MARF1: variants seen among roughly 807,000 people sequenced by gnomAD.
MARF1 encodes limkain-b1.
In MARF1, 24 loss-of-function variants were observed where a neutral mutation model predicts 168.2. The ratio of observed to expected loss-of-function variants is 0.14; its 90% CI spans 0.10 to 0.20. The LOEUF is 0.20. MARF1 is among the 10% of genes least tolerant of loss of function. MARF1 has a pLI of 1.00. For missense variants in MARF1, 1,744 were observed against 2,143.6 expected (o/e 0.81, Z 3.68); for synonymous variants, 868 against 822.4 (o/e 1.06, Z -0.95).
At chr16:15,633,564 T>C (rs960584742) in intron 5 of MARF1, 53 bp downstream of exon 5, 7 of 1,309,060 alleles carry the variant, frequency 5.3e-6, no homozygotes, top group African/African-American at 4.5e-5. Flanking sequence ...AACAAACAAA[T>C]ATCTGCTTAT....
Position 15,611,749 on chromosome 16 carries a change from G to A in MARF1, c.3475-15C>T. ...ATTCCAAGAATCTGCAAAGCAAATA[G>A]TTTATTTATACACATAAGACCTCAG... On this transcript the variant is annotated splice_polypyrimidine_tract_variant and intron_variant, in intron 17 of 26. Transcript: ENST00000396368. The A allele has an allele frequency of 1.2e-6, 2 of 1,613,076 alleles. No individual in the cohort carries two copies. Among genetic ancestry groups the A allele is most frequent in the Non-Finnish European group, 1.7e-6 (2 of 1,179,358 alleles).
chr16:15,625,856 T>C (rs763860700), intron 7 of MARF1, 56 bp from the exon 8 acceptor site: 19 of 1,432,380 alleles, frequency 1.3e-5, no homozygotes, highest in Non-Finnish European at 1.7e-5. Flanking sequence ...CACATTCAAT[T>C]TCAAAATAAG....
Position 15,635,659 on chromosome 16 carries a change from G to A in MARF1, c.828C>T (p.Asn276=), listed in dbSNP as rs781043359. 1.2e-6 allele frequency: 2 copies of A among 1,613,252 alleles called. No homozygotes were observed. The highest frequency in any genetic ancestry group is 3.3e-5 in the Admixed American group (2 of 60,020). Residue 276 remains asparagine, a synonymous_variant, in exon 3 of 27, where the codon AAC becomes AAT. Coordinates refer to ENST00000396368, the MANE Select transcript of MARF1 (RefSeq NM_014647.4). ...TAAGAAATAAAAAGATACGAACCTT[G>A]TTTAGACAGTCTTCGCAGTAAAGTG... The part of the protein sequence containing the change: ...KGSLYCEDCL[N]KPARNSIIDA...
Position 15,600,356 on chromosome 16 carries a change from GCTC to G in MARF1, c.4813+69_4813+71del. On this transcript the variant is annotated intron_variant, in intron 25 of 26. Transcript: ENST00000396368. ...ATGACTTGCTGGAGTCCTTTCCCTC[GCTC>G]TCCCCGACCCCAAAGCCGTTTCTCC... 1.9e-6 allele frequency: 3 copies of G among 1,593,174 alleles called. No homozygotes were observed. The South Asian group carries it at 3.3e-5, about 18-fold the overall frequency.
intron 25 of MARF1, among the ~76,000 whole-genome samples, chr16:15,599,695 G>A (rs892353606): frequency 5.3e-5 from 8 of 152,170 alleles, no homozygotes; most frequent in African/African-American, 1.9e-4. Context: ...TCCAAGAATT[G>A]GCCTCTATCT....
Position 15,617,415 on chromosome 16 carries a change from G to T in MARF1, c.2841C>A (p.Pro947=), listed in dbSNP as rs754919438. ...CGTCGTGTGACTGGGAAGACCCCAA[G>T]GGGCTCTGGCGGGCCTGACTGCTGG... ...LLPSSQARQS[P]LGSSQSHDGS... The change falls in exon 14 of 27, where the codon CCC becomes CCA. Residue 947 remains proline (P), a synonymous_variant. Transcript: ENST00000396368. 1 of 1,614,106 alleles carries T rather than the reference G, an allele frequency of 6.2e-7. No homozygotes were observed. Among genetic ancestry groups the T allele is most frequent in the Non-Finnish European group, 8.5e-7 (1 of 1,180,008 alleles).
intron 25 of MARF1, 128 bp from the exon 26 acceptor site, chr16:15,599,152 ATT>A: frequency 4.0e-6 from 2 of 503,812 alleles, no homozygotes; most frequent in African/African-American, 2.7e-5. Context: ...TATTTAAGGT[ATT>A]AAAAAAAAAA....
At chr16:15,597,047 T>G (rs767550430) in intron 26 of MARF1, 110 bp from the exon 27 acceptor site, 2 of 1,241,474 alleles carry the variant, frequency 1.6e-6, no homozygotes, top group Admixed American at 2.5e-5. Context: ...ATAAAAAGCT[T>G]CTAAATGCTA....
intron 16 of MARF1, among the ~76,000 whole-genome samples, chr16:15,613,094 T>C (rs1319700468): frequency 1.3e-5 from 2 of 152,198 alleles, no homozygotes; most frequent in African/African-American, 4.8e-5. Flanking sequence ...AGAAACTAGT[T>C]ATATTTCCAA....
chr16:15,629,389 G>T (rs2035094672), intron 7 of MARF1, among the ~76,000 whole-genome samples: 1 of 152,130 alleles, frequency 6.6e-6, no homozygotes, highest in African/African-American at 2.4e-5. Flanking sequence ...TTGGGTATCG[G>T]GGACACAGGT....
rs2031686540 is a variant in MARF1, at chr16:15,596,380, T to C, written c.*313A>G. ...TTCCTGCTAGTTGAGTTTTTAGTGC[T>C]TTCTTCTTTTGGAACACCATTGTAT... On this transcript the variant is annotated 3_prime_UTR_variant, in exon 27 of 27. Transcript: ENST00000396368. 5.0e-6 allele frequency: 1 copy of C among 201,028 alleles called. No individual in the cohort carries two copies. Among genetic ancestry groups the C allele is most frequent in the East Asian group, 1.1e-4 (1 of 8,778 alleles). 12.5% of individuals were successfully genotyped at this position (201,028 alleles called of 1,614,324 possible).
At chr16:15,615,689 A>G in intron 16 of MARF1, 141 bp downstream of exon 16, 1 of 514,466 alleles carries the variant, frequency 1.9e-6, no homozygotes, top group Non-Finnish European at 3.2e-6. Context: ...GCATTTTAGG[A>G]ATTTTCAAAA....
In MARF1 at chr16:15,630,450, T is replaced by C. The variant is rs1395456693; in HGVS notation, c.1406A>G (p.His469Arg). 11 of 1,614,048 alleles carry C rather than the reference T, an allele frequency of 6.8e-6. No individual in the cohort carries two copies. Among genetic ancestry groups the C allele is most frequent in the Non-Finnish European group, 9.3e-6 (11 of 1,179,988 alleles). Residue 469 changes from histidine to arginine, a missense_variant, in exon 7 of 27, where the codon CAC becomes CGC. By Grantham distance (29) the His-to-Arg change is conservative (BLOSUM62 0). This residue lies in a region of MARF1 where 217 missense variants were observed against 372.4 expected (regional missense o/e 0.58). Coordinates refer to ENST00000396368, the MANE Select transcript of MARF1 (RefSeq NM_014647.4). ...LSDLRHRHGF[H>R]IILVHKNQAS... ...CTGGTTTTTATGGACCAAAATAATG[T>C]GGAAACCATGCCTGTGTCTCAGGTC...
At chr16:15,623,438 C>A (rs938075349) in intron 10 of MARF1, among the ~76,000 whole-genome samples, 5 of 151,898 alleles carry the variant, frequency 3.3e-5, no homozygotes, top group Non-Finnish European at 5.9e-5. Flanking sequence ...CACCACTACA[C>A]CCAGCTAATT....
At chr16:15,597,541 A>G (rs188103237) in intron 26 of MARF1, among the ~76,000 whole-genome samples, 159 of 152,304 alleles carry the variant, frequency 1.0e-3, no homozygotes, top group Admixed American at 1.4e-3. Context: ...CACCTGCTCT[A>G]CACACAGGGC....
chr16:15,623,445 A>T (rs1429008574), intron 10 of MARF1, among the ~76,000 whole-genome samples: 1 of 151,688 alleles, frequency 6.6e-6, no homozygotes, highest in Non-Finnish European at 1.5e-5. Context: ...ACACCCAGCT[A>T]ATTTTTTTTA....
At chr16:15,637,783 A>C (rs915384878) in intron 2 of MARF1, among the ~76,000 whole-genome samples, 16 of 152,220 alleles carry the variant, frequency 1.1e-4, no homozygotes, top group Non-Finnish European at 2.4e-4. Flanking sequence ...AACACTCCTA[A>C]AATGACCCAA....
intron 10 of MARF1, among the ~76,000 whole-genome samples, chr16:15,624,476 C>T (rs868513046): frequency 6.6e-6 from 1 of 152,170 alleles, no homozygotes; most frequent in Non-Finnish European, 1.5e-5. Context: ...CTCAACACAG[C>T]GAACATAGGG....
At chr16:15,636,379 G>A (rs2035601217) in intron 2 of MARF1, 37 bp from the exon 3 acceptor site, 3 of 1,494,442 alleles carry the variant, frequency 2.0e-6, no homozygotes, top group Non-Finnish European at 2.7e-6. Flanking sequence ...TTAATTTTAT[G>A]AGGTCCGTGG....
Sources: allele counts gnomAD v4.1 joint callset (sites outside exome capture counted in the v4.1 genomes callset), GRCh38; gene constraint gnomAD v4.1.1; regional missense constraint gnomAD v4.1.1; transcripts MANE v1.5; gene names NCBI Gene and HGNC (gene_info 2026-07-23, HGNC 2026-07-21).